The following TPI1 variants were observed in gnomAD, a reference collection of about 807,000 sequenced individuals.
TPI1 encodes triosephosphate isomerase.
TPI1 carries 11 observed loss-of-function variants against 31.0 expected under a neutral mutation model. The observed-to-expected ratio is 0.36, with a 90% CI of 0.22 to 0.59. TPI1 has a LOEUF of 0.59. Among genes scored for constraint, TPI1 ranks in the 20% least tolerant of loss-of-function variants. TPI1 has a pLI of 0.79. For missense variants in TPI1, 245 were observed against 319.7 expected (o/e 0.77, Z 1.78); for synonymous variants, 121 against 122.8 (o/e 0.99, Z 0.10).
At position 6,870,132 on chromosome 12, in the gene TPI1, T is replaced by C; in HGVS notation, c.627T>C (p.Tyr209=). 1.2e-6 allele frequency: 2 copies of C among 1,614,048 alleles called. No homozygotes were observed. Among genetic ancestry groups the C allele is most frequent in the South Asian group, 1.1e-5 (1 of 91,086 alleles). Residue 209 remains tyrosine (Y), a synonymous_variant, in exon 6 of 7, where the codon TAT becomes TAC. Transcript: ENST00000396705. ...DAVAQSTRII[Y]GGSVTGATCK... is the part of the protein sequence containing the mutation. ...TGGCTCAGAGCACCCGTATCATTTA[T>C]GGAGGTGAGTGGCTTTGGTTCCCGG...
chr12:6,870,772 G>C lies in TPI1; in HGVS notation c.*389G>C, dbSNP rs781917369. ...AGTGCTGCCCTCTCCCATGGTGCCC[G>C]TGCCTCTGTGCTGTGTATGTGAACC... On this transcript the variant is annotated 3_prime_UTR_variant, in exon 7 of 7. Coordinates refer to ENST00000396705, the MANE Select transcript of TPI1 (RefSeq NM_000365.6). 2.0e-6 allele frequency: 1 copy of C among 510,356 alleles called. No homozygotes were observed. The highest frequency in any genetic ancestry group is 3.8e-6 in the Non-Finnish European group (1 of 263,408). The allele number at this position is 510,356 out of a possible 1,614,324, so 31.6% of individuals were successfully genotyped here. A position where few individuals can be genotyped will look rare whatever the true frequency, so the allele number is the denominator to read the frequency against.
At position 6,870,112 on chromosome 12, in the gene TPI1, CAG is replaced by C; in HGVS notation, c.610_611del (p.Ser204HisfsTer22). 6.2e-7 allele frequency: 1 copy of C among 1,614,162 alleles called. No homozygotes were observed. The highest frequency in any genetic ancestry group is 8.5e-7 in the Non-Finnish European group (1 of 1,180,002). On this transcript the variant is annotated frameshift_variant, in exon 6 of 7. Coordinates refer to ENST00000396705, the MANE Select transcript of TPI1 (RefSeq NM_000365.6). LOFTEE classifies it high-confidence loss of function. ...GTCCAACGTCTCTGATGCGGTGGCT[CAG>C]AGCACCCGTATCATTTATGGAGGTG... ...LKSNVSDAVAQSTRIIYGGSV... is the reference protein window; with the variant it reads ...LKSNVSDAVAXSTRIIYGGSV...
intron 1 of TPI1, 66 bp downstream of exon 1, chr12:6,867,747 C>T: frequency 7.5e-6 from 11 of 1,467,714 alleles, no homozygotes; most frequent in South Asian, 2.7e-5. Context: ...GTGGCAGCGC[C>T]CTCTCCCGAG....
intron 1 of TPI1, chr12:6,868,058 C>T (rs1196384475): frequency 2.5e-6 from 3 of 1,224,134 alleles, no homozygotes; most frequent in East Asian, 5.2e-5. Context: ...CCGCTCCCTG[C>T]GCCCTGGCCT....
In TPI1 at chr12:6,870,293, G is replaced by C. The variant is rs782228552; in HGVS notation, c.660G>C (p.Glu220Asp). 3 of 1,614,218 alleles carry C rather than the reference G, an allele frequency of 1.9e-6. No individual in the cohort carries two copies. Among genetic ancestry groups the C allele is most frequent in the Non-Finnish European group, 2.5e-6 (3 of 1,180,036 alleles). The change falls in exon 7 of 7, where the codon GAG (glutamate) becomes GAC (aspartate). Residue 220 changes from glutamate (E) to aspartate (D), a missense_variant. By Grantham distance (45) the Glu-to-Asp change is conservative (BLOSUM62 2). Coordinates refer to ENST00000396705, the MANE Select transcript of TPI1 (RefSeq NM_000365.6). ...CTGTGACTGGGGCAACCTGCAAGGA[G>C]CTGGCCAGCCAGCCTGATGTGGATG... Reference protein sequence around the residue: ...GGSVTGATCKELASQPDVDGF... With the variant: ...GGSVTGATCKDLASQPDVDGF...
At chr12:6,869,983 G>C (rs192901775) in intron 5 of TPI1, 66 bp from the exon 6 acceptor site, 1 of 1,563,222 alleles carries the variant, frequency 6.4e-7, no homozygotes, top group Non-Finnish European at 8.8e-7. Context: ...AGTGTCCACT[G>C]GTGCCAGTGA....
chr12:6,869,487 T>C, intron 4 of TPI1, 97 bp downstream of exon 4: 1 of 1,588,546 alleles, frequency 6.3e-7, no homozygotes. Flanking sequence ...CCCATGCTGA[T>C]CCAGAAAAGG....
At chr12:6,869,900 T>A (rs1347332976) in intron 5 of TPI1, 127 bp downstream of exon 5, 18 of 1,385,860 alleles carry the variant, frequency 1.3e-5, no homozygotes, top group Non-Finnish European at 1.7e-5. Flanking sequence ...CAGTGACTTG[T>A]CCAAGGGCAT....
upstream of TPI1, chr12:6,867,427 G>A (rs1345027986): frequency 2.7e-6 from 4 of 1,462,934 alleles, no homozygotes; most frequent in Non-Finnish European, 2.7e-6. Context: ...GGCGGGCGGG[G>A]GGCAGGGCTC....
chr12:6,869,890 C>CA, intron 5 of TPI1, 117 bp downstream of exon 5: 1 of 1,422,698 alleles, frequency 7.0e-7, no homozygotes, highest in Non-Finnish European at 9.9e-7. Flanking sequence ...AACCCAGAGA[C>CA]AGTGACTTGT....
At position 6,870,120 on chromosome 12, in the gene TPI1, C is replaced by G. The variant is rs377417359; in HGVS notation, c.615C>G (p.Thr205=). 6.2e-7 allele frequency: 1 copy of G among 1,614,024 alleles called. No individual in the cohort carries two copies. The highest frequency in any genetic ancestry group is 8.5e-7 in the Non-Finnish European group (1 of 1,179,996). ...SNVSDAVAQS[T]RIIYGGSVTG... is the part of the protein sequence containing the mutation. ...TCTCTGATGCGGTGGCTCAGAGCAC[C>G]CGTATCATTTATGGAGGTGAGTGGC... The change falls in exon 6 of 7, where the codon ACC becomes ACG. Residue 205 remains threonine (T), a synonymous_variant. Transcript: ENST00000396705.
chr12:6,869,623 G>A lies in TPI1; in HGVS notation c.458-65G>A, dbSNP rs781844799. 1.2e-4 allele frequency: 196 copies of A among 1,590,132 alleles called. 1 individual carries two copies. Among genetic ancestry groups the A allele is most frequent in the African/African-American group, 2.3e-4 (17 of 74,442 alleles). On this transcript the variant is annotated intron_variant, in intron 4 of 6. Coordinates refer to ENST00000396705, the MANE Select transcript of TPI1 (RefSeq NM_000365.6). The stretch of plus-strand genomic sequence containing the variant: ...AGTAGGCCACCGTTCTTCGTACTCC[G>A]GAGAACCTGGCTGGAGAGCTCTTTC...
In TPI1 at chr12:6,869,258, C is replaced by T. The variant is rs782460565; in HGVS notation, c.325C>T (p.Leu109=). 1 of 1,614,096 alleles carries T rather than the reference C, an allele frequency of 6.2e-7. No individual in the cohort carries two copies. Among genetic ancestry groups the T allele is most frequent in the East Asian group, 2.2e-5 (1 of 44,886 alleles). ...RRHVFGESDE[L]IGQKVAHALA... is the part of the protein sequence containing the mutation. ...TCTCACCAAGTCTGTTTCTCAACAG[C>T]TGATTGGGCAGAAAGTGGCCCATGC... The change falls in exon 4 of 7, where the codon CTG becomes TTG. Residue 109 remains leucine, a splice_region_variant and synonymous_variant. Transcript: ENST00000396705.
chr12:6,868,362 C>T (rs992570214), intron 1 of TPI1: 2 of 1,287,958 alleles, frequency 1.6e-6, no homozygotes, highest in Admixed American at 2.3e-5. Context: ...TCTCCTCCAT[C>T]CTCCTTCCTC....
At chr12:6,869,954 T>C (rs1192939065) in intron 5 of TPI1, 95 bp from the exon 6 acceptor site, 11 of 1,480,104 alleles carry the variant, frequency 7.4e-6, no homozygotes, top group Non-Finnish European at 1.0e-5. Flanking sequence ...GTACTCTGAC[T>C]CAGTCAGAAA....
chr12:6,870,603 G>C lies in TPI1; in HGVS notation c.*220G>C. On this transcript the variant is annotated 3_prime_UTR_variant, in exon 7 of 7. Transcript: ENST00000396705. ...CTTACTATAATGGTTGGAACTAAAC[G>C]TCACCAAGGTGGCTTCTCCTTGGCT... 1 of 715,116 alleles carries C rather than the reference G, an allele frequency of 1.4e-6. No homozygotes were observed. The highest frequency in any genetic ancestry group is 2.6e-6 in the Non-Finnish European group (1 of 385,186). 44.3% of individuals were successfully genotyped at this position (715,116 alleles called of 1,614,324 possible).
rs1252704801 is a variant in TPI1 at position 6,869,771 on chromosome 12, C to G, written c.541C>G (p.Gln181Glu). ...TACTGGCAAGACTGCAACACCCCAA[C>G]AGGTAACCGGGCCCAGGAGCCCTGC... is the stretch of plus-strand genomic sequence containing the variant. Reference protein sequence around the residue: ...IGTGKTATPQQAQEVHEKLRG... With the variant: ...IGTGKTATPQEAQEVHEKLRG... Residue 181 changes from glutamine to glutamate, a missense_variant and splice_region_variant, in exon 5 of 7, where the codon CAG becomes GAG. Physicochemically the swap from Gln to Glu is conservative, Grantham distance 29. Coordinates refer to ENST00000396705, the MANE Select transcript of TPI1 (RefSeq NM_000365.6). The G allele has an allele frequency of 6.2e-7, 1 of 1,614,068 alleles. No individual in the cohort carries two copies. The highest frequency in any genetic ancestry group is 8.5e-7 in the Non-Finnish European group (1 of 1,180,030).
At chr12:6,868,592 C>G (rs1944511830) in intron 1 of TPI1, 1 of 1,343,850 alleles carries the variant, frequency 7.4e-7, no homozygotes, top group Non-Finnish European at 9.7e-7. Context: ...CCGAGAATAG[C>G]TCGAGGAAAT....
At position 6,869,530 on chromosome 12, in the gene TPI1, G is replaced by A. The variant is rs1429086276; in HGVS notation, c.457+140G>A. 5 of 1,507,326 alleles carry A rather than the reference G, an allele frequency of 3.3e-6. No homozygotes were observed. In the South Asian group the frequency reaches 5.7e-5, roughly 17 times the overall value. 93.4% of individuals were successfully genotyped at this position (1,507,326 alleles called of 1,614,324 possible). The stretch of plus-strand genomic sequence containing the variant: ...GGAGGGGGAGTGACAATCTTTGCTT[G>A]GGGCCTATGACTTCTCCAGCCCCAA... On this transcript the variant is annotated intron_variant, in intron 4 of 6. Coordinates refer to ENST00000396705, the MANE Select transcript of TPI1 (RefSeq NM_000365.6).
Sources: gnomAD v4.1 joint callset for allele counts on GRCh38, gnomAD v4.1.1 for gene constraint, MANE v1.5 for transcripts, NCBI Gene and HGNC (gene_info 2026-07-23, HGNC 2026-07-21) for gene names.